The following RNF144B variants were observed in gnomAD, a reference collection of about 807,000 sequenced individuals.
The protein encoded by RNF144B is ring finger protein 144B.
RNF144B carries 25 observed loss-of-function variants against 40.2 expected under a neutral mutation model. That is an observed-to-expected ratio of 0.62 (90% CI 0.45 to 0.87). The LOEUF (loss-of-function observed/expected upper bound fraction) is 0.87, where lower values mean the gene tolerates loss of function less well. Ranked by LOEUF, RNF144B falls within the 40% of genes least tolerant of loss-of-function variation. The probability of loss-of-function intolerance (pLI) is 0.00; values close to 1 mark genes in which losing one functional copy is unlikely to be tolerated. For synonymous variants in RNF144B, 145 were observed against 136.3 expected, an observed-to-expected ratio of 1.06 and a Z score of -0.44; for missense variants, 365 against 373.7, an observed-to-expected ratio of 0.98 and a Z score of 0.19.
chr6:18,387,481 A>C lies in RNF144B; in HGVS notation c.-186A>C, dbSNP rs1794475832. On this transcript the variant is annotated 5_prime_UTR_variant, in exon 1 of 8. Coordinates refer to ENST00000259939, the MANE Select transcript of RNF144B (RefSeq NM_182757.4). ...AGCGCAAGTCCTGTTGCAGTCTTGC[A>C]AAGTGTAAAGCTGTCAGCCGCAGAG... is the stretch of plus-strand genomic sequence containing the variant. The C allele has an allele frequency of 7.8e-7, 1 of 1,284,470 alleles. No homozygotes were observed. 79.6% of individuals were successfully genotyped at this position (1,284,470 alleles called of 1,614,324 possible).
Position 18,422,475 on chromosome 6 carries a change from C to G in RNF144B, c.166-5106C>G, listed in dbSNP as rs1265160620. 6.6e-6 allele frequency among the ~76,000 whole-genome samples: 1 copy of G among 152,154 alleles called. No homozygotes were observed. Among genetic ancestry groups the G allele is most frequent in the Admixed American group, 6.6e-5 (1 of 15,260 alleles). ...AGCAAAACAGGTACTCAAGACCTGT[C>G]TGGGCTTTGGCCTTTGGGCACATTC... On this transcript the variant is annotated intron_variant, in intron 2 of 7. Coordinates refer to ENST00000259939, the MANE Select transcript of RNF144B (RefSeq NM_182757.4). The surrounding 1 kb of genome is among the most constrained non-coding windows in gnomAD (Gnocchi z 4.7).
intron 4 of RNF144B, among the ~76,000 whole-genome samples, chr6:18,451,515 G>A (rs1468646394): frequency 6.6e-6 from 1 of 152,218 alleles, no homozygotes; most frequent in East Asian, 1.9e-4. Context: ...TGATAAAGGA[G>A]AAGGGACCAT....
At chr6:18,451,220 A>C (rs1413345991) in intron 4 of RNF144B, among the ~76,000 whole-genome samples, 1 of 152,134 alleles carries the variant, frequency 6.6e-6, no homozygotes, top group African/African-American at 2.4e-5. Flanking sequence ...CATACTGTGA[A>C]GCTTCTGAGG....
At position 18,448,422 on chromosome 6, in the gene RNF144B, A is replaced by G. The variant is rs1184196131; in HGVS notation, c.331+8678A>G. 6.6e-6 allele frequency among the ~76,000 whole-genome samples: 1 copy of G among 152,108 alleles called. No homozygotes were observed. The highest frequency in any genetic ancestry group is 2.4e-5 in the African/African-American group (1 of 41,424). Reference sequence around the variant, plus strand: ...TCTAGTTGCTTGCTTCCTAGGTGCAATAAGAAGGAGGGTCAGCAGCTGAGA... The same window carrying G: ...TCTAGTTGCTTGCTTCCTAGGTGCAGTAAGAAGGAGGGTCAGCAGCTGAGA... On this transcript the variant is annotated intron_variant, in intron 4 of 7. Transcript: ENST00000259939. The surrounding 1 kb of genome is among the most constrained non-coding windows in gnomAD (Gnocchi z 4.0).
intron 1 of RNF144B, among the ~76,000 whole-genome samples, chr6:18,393,720 T>C (rs1305740141): frequency 1.3e-5 from 2 of 152,196 alleles, no homozygotes; most frequent in Non-Finnish European, 2.9e-5. Flanking sequence ...TTCTGCTTTA[T>C]TAGAATATTA....
Position 18,460,303 on chromosome 6 carries a change from G to A in RNF144B, c.681+552G>A, listed in dbSNP as rs960121108. 2.6e-5 allele frequency among the ~76,000 whole-genome samples: 4 copies of A among 152,138 alleles called. No individual in the cohort carries two copies. Among genetic ancestry groups the A allele is most frequent in the African/African-American group, 9.7e-5 (4 of 41,414 alleles). On this transcript the variant is annotated intron_variant, in intron 6 of 7. Transcript: ENST00000259939. This position sits in a 1 kb window ranked among gnomAD's most constrained non-coding sequence, Gnocchi z 4.4. The stretch of plus-strand genomic sequence containing the variant: ...AGATCTCTCACTCCCTTCTTTCTTA[G>A]TCGTTGCTCCCTCTGACCACAGCTG...
At chr6:18,451,173 T>C (rs1303992929) in intron 4 of RNF144B, among the ~76,000 whole-genome samples, 3 of 152,240 alleles carry the variant, frequency 2.0e-5, no homozygotes, top group African/African-American at 7.2e-5. Context: ...TTTTCTTTTT[T>C]TGACATTGTA....
intron 4 of RNF144B, among the ~76,000 whole-genome samples, chr6:18,440,056 C>G (rs1184464894): frequency 6.6e-6 from 1 of 152,136 alleles, no homozygotes; most frequent in South Asian, 2.1e-4. Context: ...AAGTGACCCT[C>G]GAAATGGGTT....
At chr6:18,411,058 C>T (rs1408766531) in intron 2 of RNF144B, among the ~76,000 whole-genome samples, 2 of 150,218 alleles carry the variant, frequency 1.3e-5, no homozygotes, top group African/African-American at 4.9e-5. Flanking sequence ...GATCTCTGCT[C>T]ACTGCAACCT....
chr6:18,423,076 C>A (rs906833036), intron 2 of RNF144B, among the ~76,000 whole-genome samples: 3 of 152,334 alleles, frequency 2.0e-5, no homozygotes, highest in Admixed American at 1.3e-4. Context: ...TGTGGACTTT[C>A]ATTTCTGCAT....
At position 18,457,762 on chromosome 6, in the gene RNF144B, C is replaced by T. The variant is rs1036637834; in HGVS notation, c.536+403C>T. On this transcript the variant is annotated intron_variant, in intron 5 of 7. Transcript: ENST00000259939. The surrounding 1 kb of genome is among the most constrained non-coding windows in gnomAD (Gnocchi z 5.1). ...TTCTTACCTGACTAAATTGCCAGCT[C>T]ATGATGTGTGACAGTCATATTAGAA... Among the ~76,000 whole-genome samples, 2 of 152,056 alleles carry T rather than the reference C, an allele frequency of 1.3e-5. No homozygotes were observed. Among genetic ancestry groups the T allele is most frequent in the African/African-American group, 2.4e-5 (1 of 41,394 alleles).
chr6:18,459,621 C>T lies in RNF144B; in HGVS notation c.551C>T (p.Thr184Ile), dbSNP rs748529292. The change falls in exon 6 of 8, where the codon ACA (threonine) becomes ATA (isoleucine). Residue 184 changes from threonine to isoleucine, a missense_variant. Physicochemically the swap from Thr to Ile is moderately conservative, Grantham distance 89. Coordinates refer to ENST00000259939, the MANE Select transcript of RNF144B (RefSeq NM_182757.4). The surrounding 1 kb of genome is among the most constrained non-coding windows in gnomAD (Gnocchi z 4.2). ...TTTGTTTCTAGAGCCCTCTTTGGGA[C>T]AGATGCAGAAGCCCCCATTAAGCAG... Reference protein sequence around the residue: ...LPTEHRALFGTDAEAPIKQCP... With the variant: ...LPTEHRALFGIDAEAPIKQCP... 18 of 1,613,642 alleles carry T rather than the reference C, an allele frequency of 1.1e-5. No individual in the cohort carries two copies. The South Asian group carries it at 1.8e-4, about 16-fold the overall frequency.
At chr6:18,389,908 C>T (rs1241627248) in intron 1 of RNF144B, among the ~76,000 whole-genome samples, 1 of 152,162 alleles carries the variant, frequency 6.6e-6, no homozygotes, top group Non-Finnish European at 1.5e-5. Context: ...ATATTTTCAG[C>T]TTGTGAATTT....
At position 18,410,487 on chromosome 6, in the gene RNF144B, G is replaced by A. The variant is rs1193068529; in HGVS notation, c.165+10788G>A. ...GAAAGATAATAGGGATTGCTTGATG[G>A]CATTGTTGATGGGGCTGTGGGTGAG... On this transcript the variant is annotated intron_variant, in intron 2 of 7. Coordinates refer to ENST00000259939, the MANE Select transcript of RNF144B (RefSeq NM_182757.4). This position sits in a 1 kb window ranked among gnomAD's most constrained non-coding sequence, Gnocchi z 4.6. Among the ~76,000 whole-genome samples the A allele has an allele frequency of 1.3e-5, 2 of 152,216 alleles. No individual in the cohort carries two copies. The highest frequency in any genetic ancestry group is 4.8e-5 in the African/African-American group (2 of 41,446).
rs542846101 is a variant in RNF144B, at chr6:18,460,227, C to T, written c.681+476C>T. On this transcript the variant is annotated intron_variant, in intron 6 of 7. Coordinates refer to ENST00000259939, the MANE Select transcript of RNF144B (RefSeq NM_182757.4). This position sits in a 1 kb window ranked among gnomAD's most constrained non-coding sequence, Gnocchi z 4.4. ...CTGTTTTCTTGCCTTGGAGGCTGTC[C>T]GCTTTCCTTGGCTTGTGGCCTCTTC... Among the ~76,000 whole-genome samples, 33 of 152,304 alleles carry T rather than the reference C, an allele frequency of 2.2e-4. 1 individual carries two copies. The South Asian group carries it at 6.0e-3, about 28-fold the overall frequency.
At chr6:18,436,058 T>TAA in intron 3 of RNF144B, among the ~76,000 whole-genome samples, 1 of 141,844 alleles carries the variant, frequency 7.1e-6, no homozygotes, top group East Asian at 2.0e-4. Flanking sequence ...AATCACACAC[T>TAA]AAAAAAAAAA....
intron 1 of RNF144B, among the ~76,000 whole-genome samples, chr6:18,388,806 AT>A (rs11455735): frequency 0.26 from 38,243 of 149,842 alleles, 5,031 homozygotes; most frequent in East Asian, 0.41. Flanking sequence ...TTTGACTGGC[AT>A]TTTTTTTTTT....
At chr6:18,421,465 C>T (rs913619129) in intron 2 of RNF144B, among the ~76,000 whole-genome samples, 6 of 151,986 alleles carry the variant, frequency 3.9e-5, no homozygotes, top group African/African-American at 1.2e-4. Flanking sequence ...GATCTTGTCA[C>T]CTTTCTCTGT....
At position 18,458,579 on chromosome 6, in the gene RNF144B, A is replaced by G. The variant is rs1759384917; in HGVS notation, c.537-1028A>G. Among the ~76,000 whole-genome samples the G allele has an allele frequency of 6.6e-6, 1 of 152,184 alleles. No homozygotes were observed. The highest frequency in any genetic ancestry group is 1.5e-5 in the Non-Finnish European group (1 of 68,026). On this transcript the variant is annotated intron_variant, in intron 5 of 7. Transcript: ENST00000259939. This position sits in a 1 kb window ranked among gnomAD's most constrained non-coding sequence, Gnocchi z 4.8. ...TAGCAGGAAGCTCCGTGGGTATCAC[A>G]GGGCAACGTAAAGAACTCAGAGGAT...
Sources: allele counts gnomAD v4.1 joint callset (sites outside exome capture counted in the v4.1 genomes callset), GRCh38; gene constraint gnomAD v4.1.1; non-coding constraint Gnocchi (gnomAD v3.1); transcripts MANE v1.5; gene names NCBI Gene and HGNC (gene_info 2026-07-23, HGNC 2026-07-21).